The following ATP2C1 variants were observed in gnomAD, a reference collection of about 807,000 sequenced individuals.
ATP2C1 encodes the protein calcium-transporting ATPase type 2C member 1.
Under a neutral mutation model 120.5 loss-of-function variants are expected in ATP2C1, and 31 were observed. That is an observed-to-expected ratio of 0.26 (90% CI 0.19 to 0.35). The LOEUF (loss-of-function observed/expected upper bound fraction) is 0.35. Ranked by LOEUF, ATP2C1 falls within the 10% of genes least tolerant of loss-of-function variation. The probability of loss-of-function intolerance (pLI) is 1.00; values close to 1 mark genes in which losing one functional copy is unlikely to be tolerated. For synonymous variants in ATP2C1, 351 were observed against 358.7 expected (o/e 0.98, Z 0.24); for missense variants, 731 against 1,107.5 (o/e 0.66, Z 4.83).
At chr3:130,916,354 T>TGCAGTGAGCAGAGATC (rs1240150450) in intron 2 of ATP2C1, among the ~76,000 whole-genome samples, 5 of 151,978 alleles carry the variant, frequency 3.3e-5, no homozygotes, top group Non-Finnish European at 5.9e-5. Flanking sequence ...AGGCAGAGGT[T>TGCAGTGAGCAGAGATC]GCAGTGAGCA....
chr3:130,953,478 G>C (rs1374224334), intron 8 of ATP2C1, among the ~76,000 whole-genome samples: 1 of 152,050 alleles, frequency 6.6e-6, no homozygotes, highest in African/African-American at 2.4e-5. Flanking sequence ...TTAGGTACTT[G>C]ACAAAATTAG....
chr3:131,005,947 CGT>C (rs141641981), downstream of ATP2C1, among the ~76,000 whole-genome samples: 4 of 151,168 alleles, frequency 2.6e-5, no homozygotes, highest in Admixed American at 1.3e-4. Context: ...GAGGTGAGAG[CGT>C]GTGTGTGTGT....
chr3:130,992,983 C>A lies in ATP2C1; in HGVS notation c.1872C>A (p.His624Gln). 1 of 1,612,564 alleles carries A rather than the reference C, an allele frequency of 6.2e-7. No homozygotes were observed. Among genetic ancestry groups the A allele is most frequent in the Non-Finnish European group, 8.5e-7 (1 of 1,178,922 alleles). The change falls in exon 21 of 28, where the codon CAC becomes CAA. Residue 624 changes from histidine (H) to glutamine (Q), a missense_variant. Physicochemically the swap from His to Gln is conservative, Grantham distance 24. Transcript: ENST00000510168. ...VAVFYRASPR[H>Q]KMKIIKSLQK... ...TATTTTACAGAGCTAGCCCAAGGCA[C>A]AAGATGAAAATTATTAAGGTGAGTG...
In ATP2C1 at chr3:130,972,092, A is replaced by G. The variant is rs556622279; in HGVS notation, c.1413+2696A>G. On this transcript the variant is annotated intron_variant, in intron 17 of 27. Transcript: ENST00000510168. ...TTGCGATGACACTGGTCCACCTCAGATCCTCAGGCATTAGATTCTCTTAAG... is the reference window on the plus strand; with the variant it reads ...TTGCGATGACACTGGTCCACCTCAGGTCCTCAGGCATTAGATTCTCTTAAG... Among the ~76,000 whole-genome samples, 10 of 152,240 alleles carry G rather than the reference A, an allele frequency of 6.6e-5. No homozygotes were observed. In the East Asian group the frequency reaches 9.7e-4, roughly 15 times the overall value.
chr3:130,882,206 TTTC>T (rs1386788401), intron 1 of ATP2C1, among the ~76,000 whole-genome samples: 1 of 151,312 alleles, frequency 6.6e-6, no homozygotes, highest in East Asian at 2.0e-4. Flanking sequence ...TACTTTTTTC[TTTC>T]TTCTTTTTTT....
chr3:130,860,034 T>C (rs1279192370), intron 1 of ATP2C1, among the ~76,000 whole-genome samples: 3 of 152,196 alleles, frequency 2.0e-5, no homozygotes, highest in Non-Finnish European at 2.9e-5. Flanking sequence ...CCTCATAAAG[T>C]GATGGTTTTT....
At chr3:130,995,211 C>T (rs2062553200) in intron 22 of ATP2C1, among the ~76,000 whole-genome samples, 4 of 151,998 alleles carry the variant, frequency 2.6e-5, no homozygotes, top group Admixed American at 6.6e-5. Flanking sequence ...CCCAGGAGTT[C>T]GAAACCAGCC....
chr3:130,877,207 T>C (rs1012889534), intron 1 of ATP2C1, among the ~76,000 whole-genome samples: 1 of 152,238 alleles, frequency 6.6e-6, no homozygotes, highest in Admixed American at 6.5e-5. Context: ...CTCACAGTCT[T>C]TGTCTGTTTT....
In ATP2C1 at chr3:130,989,583, A is replaced by C. The variant is rs889079799; in HGVS notation, c.1840-3368A>C. 2.0e-4 allele frequency among the ~76,000 whole-genome samples: 29 copies of C among 142,528 alleles called. No individual in the cohort carries two copies. The East Asian group carries it at 4.4e-3, about 22-fold the overall frequency. 93.5% of individuals were successfully genotyped at this position (142,528 alleles called of 152,430 possible). On this transcript the variant is annotated intron_variant, in intron 20 of 27. Coordinates refer to ENST00000510168, the MANE Select transcript of ATP2C1 (RefSeq NM_001378687.1). ...TCCATCTCAAAAAAAAAAAAAAAAA[A>C]CACAAACCCTAAAGAACATTGTAGT...
intron 17 of ATP2C1, among the ~76,000 whole-genome samples, chr3:130,972,788 A>G (rs907121165): frequency 1.3e-5 from 2 of 151,912 alleles, no homozygotes; most frequent in South Asian, 2.1e-4. Context: ...TACAAAGGAC[A>G]TGAACTCATC....
intron 12 of ATP2C1, chr3:130,962,912 G>A (rs1416252274): frequency 2.0e-5 from 3 of 151,570 alleles, no homozygotes; most frequent in Non-Finnish European, 4.4e-5. Flanking sequence ...AGTAAATAAA[G>A]CATGAAAAAG....
intron 1 of ATP2C1, among the ~76,000 whole-genome samples, chr3:130,861,306 T>G (rs2068005454): frequency 6.6e-6 from 1 of 152,188 alleles, no homozygotes; most frequent in African/African-American, 2.4e-5. Context: ...GGTGAGGTAT[T>G]TATTATGGGA....
Position 130,964,966 on chromosome 3 carries a change from G to T in ATP2C1, c.1043G>T (p.Cys348Phe). 1 of 1,611,112 alleles carries T rather than the reference G, an allele frequency of 6.2e-7. No homozygotes were observed. The highest frequency in any genetic ancestry group is 8.5e-7 in the Non-Finnish European group (1 of 1,177,966). ...TCTTTAGGCTGCTGTAATGTGATTT[G>T]TTCAGATAAAACTGGAACACTGACG... is the stretch of plus-strand genomic sequence containing the variant. ...VETLGCCNVI[C>F]SDKTGTLTKN... The change falls in exon 14 of 28, where the codon TGT becomes TTT. Residue 348 changes from cysteine (C) to phenylalanine (F), a missense_variant. By Grantham distance (205) the Cys-to-Phe change is radical. This residue lies in a region of ATP2C1 where 571 missense variants were observed against 845.9 expected (regional missense o/e 0.67). Coordinates refer to ENST00000510168, the MANE Select transcript of ATP2C1 (RefSeq NM_001378687.1).
chr3:130,965,580 C>T (rs218496), intron 14 of ATP2C1, among the ~76,000 whole-genome samples: 138,500 of 152,100 alleles, frequency 0.91, 63,241 homozygotes, highest in Non-Finnish European at 0.95. Context: ...TTCTCCTCTA[C>T]CCTTATATGC....
chr3:130,913,152 C>T (rs1288841191), intron 2 of ATP2C1, among the ~76,000 whole-genome samples: 4 of 147,940 alleles, frequency 2.7e-5, no homozygotes, highest in Non-Finnish European at 4.5e-5. Flanking sequence ...TGCTAGATGA[C>T]GAGTTAGTGG....
intron 1 of ATP2C1, among the ~76,000 whole-genome samples, chr3:130,853,574 C>A (rs2067744214): frequency 6.6e-6 from 1 of 152,286 alleles, no homozygotes; most frequent in East Asian, 1.9e-4. Context: ...CCTTTACTTA[C>A]AACTTGCCCT....
intron 2 of ATP2C1, among the ~76,000 whole-genome samples, chr3:130,928,815 A>G (rs1015853624): frequency 1.8e-4 from 27 of 152,184 alleles, no homozygotes; most frequent in Non-Finnish European, 7.4e-5. Flanking sequence ...CAGTGTAAAT[A>G]TATTTGATTC....
At chr3:130,958,562 G>A (rs2060681228) in intron 11 of ATP2C1, among the ~76,000 whole-genome samples, 1 of 151,706 alleles carries the variant, frequency 6.6e-6, no homozygotes, top group Non-Finnish European at 1.5e-5. Context: ...ATATTGATTT[G>A]CAGTCTTGAG....
chr3:130,944,387 C>A (rs545299426), intron 8 of ATP2C1, among the ~76,000 whole-genome samples: 1 of 152,164 alleles, frequency 6.6e-6, no homozygotes, highest in Non-Finnish European at 1.5e-5. Flanking sequence ...TTCACAGTTA[C>A]GGAGGCTGGA....
Sources: gnomAD v4.1 joint callset for allele counts (sites outside exome capture counted in the v4.1 genomes callset) on GRCh38, gnomAD v4.1.1 for gene constraint, gnomAD v4.1.1 regional missense constraint, MANE v1.5 for transcripts, NCBI Gene and HGNC (gene_info 2026-07-23, HGNC 2026-07-21) for gene names.